HIF1AN: variants seen among roughly 807,000 people sequenced by gnomAD.
HIF1AN encodes hypoxia-inducible factor 1-alpha inhibitor.
Under a neutral mutation model 47.7 loss-of-function variants are expected in HIF1AN, and 21 were observed. The ratio of observed to expected loss-of-function variants is 0.44; its 90% CI spans 0.31 to 0.63. The LOEUF is 0.63. Among genes scored for constraint, HIF1AN ranks in the 30% least tolerant of loss-of-function variants. The pLI, the probability that HIF1AN is intolerant of heterozygous loss-of-function variation, is 0.07. For missense variants in HIF1AN, 320 were observed against 432.7 expected (o/e 0.74, Z 2.31); for synonymous variants, 152 against 155.9 (o/e 0.98, Z 0.18).
chr10:100,551,673 T>C lies in HIF1AN; in HGVS notation c.*3536T>C, dbSNP rs1487873398. On this transcript the variant is annotated 3_prime_UTR_variant, in exon 8 of 8. Transcript: ENST00000299163. ...TTGCCATTTGTGGAAAATGTTTTTG[T>C]AATAGTCAACACCCCTCATAGCCCA... 6.6e-6 allele frequency: 1 copy of C among 152,220 alleles called. No homozygotes were observed. The highest frequency in any genetic ancestry group is 1.5e-5 in the Non-Finnish European group (1 of 68,042). 9.4% of individuals were successfully genotyped at this position (152,220 alleles called of 1,614,324 possible).
chr10:100,542,250 TG>T (rs1469849692), intron 3 of HIF1AN, among the ~76,000 whole-genome samples: 1 of 152,208 alleles, frequency 6.6e-6, no homozygotes, highest in Admixed American at 6.5e-5. Flanking sequence ...GGCACATGAC[TG>T]TACCACTTTT....
intron 3 of HIF1AN, among the ~76,000 whole-genome samples, chr10:100,543,214 G>T (rs575712856): frequency 4.1e-4 from 63 of 152,180 alleles, no homozygotes; most frequent in African/African-American, 1.5e-3. Context: ...TATTGAGACA[G>T]TGTCTCACTC....
In HIF1AN at chr10:100,549,069, T is replaced by C. The variant is rs201970558; in HGVS notation, c.*932T>C. ...GTGTGTGTGTGTGTGTGCGTGCGTG[T>C]GTGTGTGTGTGTCCGTGTGTGTGTG... On this transcript the variant is annotated 3_prime_UTR_variant, in exon 8 of 8. Transcript: ENST00000299163. 4.8e-5 allele frequency: 5 copies of C among 104,334 alleles called. No homozygotes were observed. Among genetic ancestry groups the C allele is most frequent in the East Asian group, 2.4e-4 (1 of 4,112 alleles). The allele number at this position is 104,334 out of a possible 1,614,324, so 6.5% of individuals were successfully genotyped here.
rs1016849320 is a variant in HIF1AN at position 100,552,411 on chromosome 10, C to G, written c.*4274C>G. The G allele has an allele frequency of 4.6e-5, 7 of 152,252 alleles. No homozygotes were observed. Among genetic ancestry groups the G allele is most frequent in the Admixed American group, 2.0e-4 (3 of 15,272 alleles). The allele number at this position is 152,252 out of a possible 1,614,324, so 9.4% of individuals were successfully genotyped here. A position where few individuals can be genotyped will look rare whatever the true frequency, so the allele number is the denominator to read the frequency against. On this transcript the variant is annotated 3_prime_UTR_variant, in exon 8 of 8. Coordinates refer to ENST00000299163, the MANE Select transcript of HIF1AN (RefSeq NM_017902.3). The stretch of plus-strand genomic sequence containing the variant: ...GAATGACCCTCAGGGACCAGTTTCA[C>G]CCAGATGGGGTAGATGATGAGGTAT...
chr10:100,546,422 G>A, intron 5 of HIF1AN, 96 bp from the exon 6 acceptor site: 1 of 885,594 alleles, frequency 1.1e-6, no homozygotes. Flanking sequence ...ACTCCACCTA[G>A]TTTTTCAGCC....
In HIF1AN at chr10:100,553,884, A is replaced by G. The variant is rs1843190324; in HGVS notation, c.*5747A>G. ...GTAAAGCTTTAGCACAGTGCCTGGCAAGCACTTAATAAATGGCTGTGGTGG... is the reference window on the plus strand; with the variant it reads ...GTAAAGCTTTAGCACAGTGCCTGGCGAGCACTTAATAAATGGCTGTGGTGG... On this transcript the variant is annotated 3_prime_UTR_variant, in exon 8 of 8. Coordinates refer to ENST00000299163, the MANE Select transcript of HIF1AN (RefSeq NM_017902.3). 6.6e-6 allele frequency: 1 copy of G among 152,216 alleles called. No individual in the cohort carries two copies. The highest frequency in any genetic ancestry group is 1.5e-5 in the Non-Finnish European group (1 of 68,046). 9.4% of individuals were successfully genotyped at this position (152,216 alleles called of 1,614,324 possible).
In HIF1AN at chr10:100,536,596, A is replaced by G. The variant is rs1376012720; in HGVS notation, c.363A>G (p.Glu121=). 1.2e-6 allele frequency: 2 copies of G among 1,614,212 alleles called. No homozygotes were observed. Among genetic ancestry groups the G allele is most frequent in the African/African-American group, 2.7e-5 (2 of 75,064 alleles). The change falls in exon 2 of 8, where the codon GAA becomes GAG. Residue 121 remains glutamate (E), a synonymous_variant. Coordinates refer to ENST00000299163, the MANE Select transcript of HIF1AN (RefSeq NM_017902.3). Reference sequence around the variant, plus strand: ...ACTTTAAGCCGAGGTCCAACAGGGAAGAAATGAAATTTCATGAGTTCGTTG... The same window carrying G: ...ACTTTAAGCCGAGGTCCAACAGGGAGGAAATGAAATTTCATGAGTTCGTTG... ...FQNFKPRSNR[E]EMKFHEFVEK...
chr10:100,546,689 T>C (rs935760128), intron 6 of HIF1AN, 108 bp downstream of exon 6: 4 of 823,870 alleles, frequency 4.9e-6, no homozygotes, highest in South Asian at 2.9e-5. Flanking sequence ...CTGGAAGTGA[T>C]TGTCAGGTGT....
chr10:100,543,523 C>G (rs1843066374), intron 3 of HIF1AN, among the ~76,000 whole-genome samples: 1 of 152,050 alleles, frequency 6.6e-6, no homozygotes. Context: ...TTACCTGCCC[C>G]TTTGAAACCA....
In HIF1AN at chr10:100,553,960, C is replaced by T. The variant is rs1432823484; in HGVS notation, c.*5823C>T. The T allele has an allele frequency of 1.3e-5, 2 of 152,168 alleles. No individual in the cohort carries two copies. The highest frequency in any genetic ancestry group is 4.8e-5 in the African/African-American group (2 of 41,444). 9.4% of individuals were successfully genotyped at this position (152,168 alleles called of 1,614,324 possible). The stretch of plus-strand genomic sequence containing the variant: ...TATTCAGAAACTTGGTTTCAGTGAT[C>T]TCTAAACAGATTTCCAGTGGTTCTT... On this transcript the variant is annotated 3_prime_UTR_variant, in exon 8 of 8. Transcript: ENST00000299163.
chr10:100,546,954 G>A (rs1843099765), intron 6 of HIF1AN, among the ~76,000 whole-genome samples, 186 bp from the exon 7 acceptor site: 2 of 152,050 alleles, frequency 1.3e-5, no homozygotes, highest in Admixed American at 1.3e-4. Context: ...TGGCCAGGCT[G>A]GTCTCAAACT....
In HIF1AN at chr10:100,554,223, C is replaced by G. The variant is rs546912245; in HGVS notation, c.*6086C>G. 6 of 152,108 alleles carry G rather than the reference C, an allele frequency of 3.9e-5. No homozygotes were observed. The highest frequency in any genetic ancestry group is 3.2e-3 in the Middle Eastern group (1 of 316). The allele number at this position is 152,108 out of a possible 1,614,324, so 9.4% of individuals were successfully genotyped here. ...TGCACTGTGTGAGAGGCCGTGGAGC[C>G]GAATGAGTCCTTATTATACCTGGAG... is the stretch of plus-strand genomic sequence containing the variant. On this transcript the variant is annotated 3_prime_UTR_variant, in exon 8 of 8. Coordinates refer to ENST00000299163, the MANE Select transcript of HIF1AN (RefSeq NM_017902.3).
At position 100,555,163 on chromosome 10, in the gene HIF1AN, C is replaced by T. The variant is rs1014843588; in HGVS notation, c.*7026C>T. ...TTCCAGTCCAGCAGTCCAAAACAAA[C>T]ACTGCTTCCCAATGCCTAAGGGTTT... is the stretch of plus-strand genomic sequence containing the variant. On this transcript the variant is annotated 3_prime_UTR_variant, in exon 8 of 8. Transcript: ENST00000299163. 5.9e-5 allele frequency: 9 copies of T among 152,256 alleles called. No individual in the cohort carries two copies. The highest frequency in any genetic ancestry group is 1.7e-4 in the African/African-American group (7 of 41,464). The allele number at this position is 152,256 out of a possible 1,614,324, so 9.4% of individuals were successfully genotyped here.
intron 2 of HIF1AN, among the ~76,000 whole-genome samples, chr10:100,537,894 T>C (rs1453662687): frequency 1.3e-5 from 2 of 152,234 alleles, no homozygotes; most frequent in South Asian, 4.1e-4. Context: ...TTCCAAGATA[T>C]GAACTGTGGT....
chr10:100,541,144 A>G (rs1843023996), intron 3 of HIF1AN, among the ~76,000 whole-genome samples: 3 of 152,146 alleles, frequency 2.0e-5, no homozygotes, highest in Non-Finnish European at 4.4e-5. Context: ...GCTTGAACCC[A>G]GGCGGTGGAG....
chr10:100,558,965 T>C lies in HIF1AN; in HGVS notation c.*10828T>C, dbSNP rs140250354. On this transcript the variant is annotated 3_prime_UTR_variant, in exon 8 of 8. Transcript: ENST00000299163. Reference sequence around the variant, plus strand: ...TCCTTGACATATGGAAGAGCATTTGTGAGAGTAACAGGTTTGCTTTGTAAT... The same window carrying C: ...TCCTTGACATATGGAAGAGCATTTGCGAGAGTAACAGGTTTGCTTTGTAAT... 142 of 152,324 alleles carry C rather than the reference T, an allele frequency of 9.3e-4. No homozygotes were observed. Among genetic ancestry groups the C allele is most frequent in the African/African-American group, 3.2e-3 (133 of 41,570 alleles). 9.4% of individuals were successfully genotyped at this position (152,324 alleles called of 1,614,324 possible).
chr10:100,545,870 A>G (rs1843088584), intron 4 of HIF1AN, 73 bp from the exon 5 acceptor site: 2 of 947,398 alleles, frequency 2.1e-6, no homozygotes, highest in Non-Finnish European at 3.3e-6. Context: ...TTTACTGCCA[A>G]ACTGGCATAT....
intron 2 of HIF1AN, among the ~76,000 whole-genome samples, chr10:100,537,403 C>A (rs981927549): frequency 6.6e-6 from 1 of 152,090 alleles, no homozygotes; most frequent in African/African-American, 2.4e-5. Flanking sequence ...TCTGAAAATG[C>A]CTGTTTGTAG....
At position 100,559,661 on chromosome 10, in the gene HIF1AN, C is replaced by T. The variant is rs1285012630; in HGVS notation, c.*11524C>T. ...CTCGAACACCTGGGCTCAAGCAGTC[C>T]TGCCTCAGCCTCCCAAAGTTCTGGG... On this transcript the variant is annotated 3_prime_UTR_variant, in exon 8 of 8. Coordinates refer to ENST00000299163, the MANE Select transcript of HIF1AN (RefSeq NM_017902.3). The T allele has an allele frequency of 6.6e-6, 1 of 152,216 alleles. No homozygotes were observed. The highest frequency in any genetic ancestry group is 1.5e-5 in the Non-Finnish European group (1 of 68,048). The allele number at this position is 152,216 out of a possible 1,614,324, so 9.4% of individuals were successfully genotyped here. A position where few individuals can be genotyped will look rare whatever the true frequency, so the allele number is the denominator to read the frequency against.
Sources: allele counts gnomAD v4.1 joint callset (sites outside exome capture counted in the v4.1 genomes callset), GRCh38; gene constraint gnomAD v4.1.1; transcripts MANE v1.5; gene names NCBI Gene and HGNC (gene_info 2026-07-23, HGNC 2026-07-21).